Variants in GPAT4 observed in about 807,000 individuals in gnomAD.
The protein encoded by GPAT4 is 1-AGP acyltransferase 6.
In GPAT4, 17 loss-of-function variants were observed where a neutral mutation model predicts 58.0. That is an observed-to-expected ratio of 0.29 (90% CI 0.20 to 0.44). The LOEUF (loss-of-function observed/expected upper bound fraction) is 0.44, where lower values mean the gene tolerates loss of function less well. Ranked by LOEUF, GPAT4 falls within the 20% of genes least tolerant of loss-of-function variation. GPAT4 has a pLI of 1.00. For missense variants in GPAT4, 377 were observed against 574.5 expected, an observed-to-expected ratio of 0.66 and a Z score of 3.51; for synonymous variants, 204 against 210.1, an observed-to-expected ratio of 0.97 and a Z score of 0.25.
Position 41,590,618 on chromosome 8 carries a change from T to G in GPAT4, c.-848-7674T>G, listed in dbSNP as rs181456432. On this transcript the variant is annotated intron_variant, in intron 1 of 12. Coordinates refer to ENST00000396987, the MANE Select transcript of GPAT4 (RefSeq NM_178819.4). Reference sequence around the variant, plus strand: ...GAGGGTGGTATATGTGAAATGCTCCTTAGCGCAGTGCTGGGCATGTTGTAA... The same window carrying G: ...GAGGGTGGTATATGTGAAATGCTCCGTAGCGCAGTGCTGGGCATGTTGTAA... Among the ~76,000 whole-genome samples the G allele has an allele frequency of 2.6e-3, 394 of 152,322 alleles. 3 individuals carry two copies. The highest frequency in any genetic ancestry group is 3.4e-3 in the Non-Finnish European group (234 of 68,034).
intron 2 of GPAT4, among the ~76,000 whole-genome samples, chr8:41,604,487 T>C (rs763190426): frequency 6.6e-6 from 1 of 152,202 alleles, no homozygotes; most frequent in Non-Finnish European, 1.5e-5. Flanking sequence ...TGGAAGGGTT[T>C]TAGTGTTTGC....
Position 41,618,720 on chromosome 8 carries a change from A to G in GPAT4, c.1090A>G (p.Ser364Gly). 6.2e-7 allele frequency: 1 copy of G among 1,614,202 alleles called. No individual in the cohort carries two copies. The highest frequency in any genetic ancestry group is 8.5e-7 in the Non-Finnish European group (1 of 1,180,034). ...ATTTGGCGATGCCTTCTGGAACAGC[A>G]GCAAATACGGGATGGTGACGTACCT... is the stretch of plus-strand genomic sequence containing the variant. Reference protein sequence around the residue: ...PQFGDAFWNSSKYGMVTYLLR... With the variant: ...PQFGDAFWNSGKYGMVTYLLR... The change falls in exon 11 of 13, where the codon AGC becomes GGC. Residue 364 changes from serine to glycine, a missense_variant. Ser to Gly is a moderately conservative substitution (Grantham distance 56, BLOSUM62 0). Transcript: ENST00000396987.
chr8:41,596,495 T>G (rs1314853783), intron 1 of GPAT4, among the ~76,000 whole-genome samples: 1 of 152,168 alleles, frequency 6.6e-6, no homozygotes, highest in African/African-American at 2.4e-5. Flanking sequence ...CAAAGACCAG[T>G]CTTACCAAGT....
chr8:41,603,300 G>A (rs1273001359), intron 2 of GPAT4, among the ~76,000 whole-genome samples: 1 of 152,166 alleles, frequency 6.6e-6, no homozygotes, highest in Non-Finnish European at 1.5e-5. Flanking sequence ...GCCGAGGCAG[G>A]TGGATCACCT....
At chr8:41,607,316 A>G (rs976053998) in intron 2 of GPAT4, among the ~76,000 whole-genome samples, 3 of 152,180 alleles carry the variant, frequency 2.0e-5, no homozygotes, top group African/African-American at 7.2e-5. Flanking sequence ...GCAGGAGGCC[A>G]AAGGGATGTT....
chr8:41,603,868 T>C (rs1225643124), intron 2 of GPAT4, among the ~76,000 whole-genome samples: 1 of 151,256 alleles, frequency 6.6e-6, no homozygotes, highest in African/African-American at 2.4e-5. Flanking sequence ...GGGATGAGTC[T>C]TCTGAGGATT....
chr8:41,579,836 C>CA (rs71230848), intron 1 of GPAT4, among the ~76,000 whole-genome samples: 8,160 of 139,934 alleles, frequency 0.058, 234 homozygotes, highest in Non-Finnish European at 0.07. Context: ...AGACTCGTGT[C>CA]AAAAAAAAAA....
chr8:41,602,442 A>G (rs1245649591), intron 2 of GPAT4, among the ~76,000 whole-genome samples: 1 of 152,162 alleles, frequency 6.6e-6, no homozygotes, highest in Non-Finnish European at 1.5e-5. Flanking sequence ...CCTGGCTGTA[A>G]ACTGAGTCAC....
intron 1 of GPAT4, among the ~76,000 whole-genome samples, chr8:41,596,084 A>C (rs1019819117): frequency 2.6e-5 from 4 of 152,180 alleles, no homozygotes; most frequent in Admixed American, 6.5e-5. Context: ...AATGTTGGCC[A>C]GTCTATTTCT....
intron 12 of GPAT4, among the ~76,000 whole-genome samples, chr8:41,620,108 A>G (rs1803704624): frequency 6.6e-6 from 1 of 152,268 alleles, no homozygotes; most frequent in African/African-American, 2.4e-5. Context: ...AGTTTAACAA[A>G]GACAGAGTGG....
At chr8:41,590,968 C>T (rs1802774121) in intron 1 of GPAT4, among the ~76,000 whole-genome samples, 1 of 152,102 alleles carries the variant, frequency 6.6e-6, no homozygotes, top group South Asian at 2.1e-4. Flanking sequence ...GTCAAGAACC[C>T]CTCAGACACC....
intron 1 of GPAT4, among the ~76,000 whole-genome samples, chr8:41,596,153 TC>T (rs575873553): frequency 6.6e-6 from 1 of 152,200 alleles, no homozygotes; most frequent in South Asian, 2.1e-4. Flanking sequence ...TGCCGTAATC[TC>T]CCTTCAGTCC....
rs760455234 is a variant in GPAT4, at chr8:41,609,894, C to T, written c.475C>T (p.Arg159Trp). Residue 159 changes from arginine to tryptophan, a missense_variant, in exon 4 of 13, where the codon CGG becomes TGG. Physicochemically the swap from Arg to Trp is moderately radical, Grantham distance 101 (BLOSUM62 -3). Coordinates refer to ENST00000396987, the MANE Select transcript of GPAT4 (RefSeq NM_178819.4). ...TTATAACTTCCAGTACATCAGCCTT[C>T]GGCTCACGGTCCTGTGGGGGTTAGG... ...TNYNFQYISL[R>W]LTVLWGLGVL... 1.2e-6 allele frequency: 2 copies of T among 1,614,078 alleles called. No individual in the cohort carries two copies. The highest frequency in any genetic ancestry group is 1.3e-5 in the African/African-American group (1 of 74,944).
rs1803384856 is a variant in GPAT4, at chr8:41,609,682, TAGA to T, written c.270_272del (p.Glu91del). 2.5e-6 allele frequency: 4 copies of T among 1,613,362 alleles called. No individual in the cohort carries two copies. The highest frequency in any genetic ancestry group is 3.4e-6 in the Non-Finnish European group (4 of 1,179,608). On this transcript the variant is annotated inframe_deletion, in exon 4 of 13. Transcript: ENST00000396987. ...ATCATTGCAAAGGATCCCACTTCAC[TAGA>T]AGAAGAGATCAAAGAGATTCGTCGA...
At position 41,609,738 on chromosome 8, in the gene GPAT4, A is replaced by T; in HGVS notation, c.319A>T (p.Thr107Ser). 6.2e-7 allele frequency: 1 copy of T among 1,613,914 alleles called. No individual in the cohort carries two copies. Among genetic ancestry groups the T allele is most frequent in the East Asian group, 2.2e-5 (1 of 44,866 alleles). Reference sequence around the variant, plus strand: ...TGGTAGTAGTAAGGCTCTGGACAACACTCCAGAGTTCGAGCTCTCTGACAT... The same window carrying T: ...TGGTAGTAGTAAGGCTCTGGACAACTCTCCAGAGTTCGAGCTCTCTGACAT... ...RSGSSKALDNTPEFELSDIFY... is the reference protein window; with the variant it reads ...RSGSSKALDNSPEFELSDIFY... The change falls in exon 4 of 13, where the codon ACT becomes TCT. Residue 107 changes from threonine (T) to serine (S), a missense_variant. Transcript: ENST00000396987.
At position 41,614,416 on chromosome 8, in the gene GPAT4, G is replaced by C. The variant is rs1343323122; in HGVS notation, c.942G>C (p.Lys314Asn). The C allele has an allele frequency of 6.2e-7, 1 of 1,613,964 alleles. No homozygotes were observed. The highest frequency in any genetic ancestry group is 8.5e-7 in the Non-Finnish European group (1 of 1,180,010). Reference sequence around the variant, plus strand: ...CTGAACATGTGCAAGATAAAAGCAAGCTGCCTATCCTCATCTTCCCAGAAG... The same window carrying C: ...CTGAACATGTGCAAGATAAAAGCAACCTGCCTATCCTCATCTTCCCAGAAG... ...RLTEHVQDKS[K>N]LPILIFPEGT... The change falls in exon 9 of 13, where the codon AAG becomes AAC. Residue 314 changes from lysine (K) to asparagine (N), a missense_variant. Coordinates refer to ENST00000396987, the MANE Select transcript of GPAT4 (RefSeq NM_178819.4).
At chr8:41,583,095 C>G (rs1802565733) in intron 1 of GPAT4, among the ~76,000 whole-genome samples, 1 of 151,986 alleles carries the variant, frequency 6.6e-6, no homozygotes, top group Admixed American at 6.6e-5. Context: ...CTGTGGTGGC[C>G]TGTGCCTGTA....
chr8:41,611,294 T>C (rs1001176945), intron 5 of GPAT4, among the ~76,000 whole-genome samples: 2 of 152,172 alleles, frequency 1.3e-5, no homozygotes, highest in African/African-American at 4.8e-5. Flanking sequence ...TAAATTTTGA[T>C]CTATGACTGT....
At chr8:41,581,145 A>G (rs1466384760) in intron 1 of GPAT4, among the ~76,000 whole-genome samples, 1 of 152,216 alleles carries the variant, frequency 6.6e-6, no homozygotes, top group African/African-American at 2.4e-5. Flanking sequence ...TCCATGTATC[A>G]CTAAACCATG....
Sources: allele counts gnomAD v4.1 joint callset (sites outside exome capture counted in the v4.1 genomes callset), GRCh38; gene constraint gnomAD v4.1.1; transcripts MANE v1.5; gene names NCBI Gene and HGNC (gene_info 2026-07-23, HGNC 2026-07-21).